PTGER3: variants seen among roughly 807,000 people sequenced by gnomAD.
PTGER3 encodes prostaglandin E receptor 3.
Under a neutral mutation model 34.7 loss-of-function variants are expected in PTGER3, and 22 were observed. The observed-to-expected ratio is 0.63, with a 90% CI of 0.45 to 0.91. The LOEUF is 0.91. Among genes scored for constraint, PTGER3 ranks in the 40% least tolerant of loss-of-function variants. The pLI is 0.00. For missense variants in PTGER3, 468 were observed against 519.4 expected (o/e 0.90, Z 0.96); for synonymous variants, 241 against 230.1 (o/e 1.05, Z -0.43).
rs111363741 is a variant in PTGER3 at position 70,919,674 on chromosome 1, T to G, written c.*23+34089A>C. 8.0e-3 allele frequency among the ~76,000 whole-genome samples: 1,215 copies of G among 152,242 alleles called. 13 individuals carry two copies. The highest frequency in any genetic ancestry group is 0.028 in the African/African-American group (1,172 of 41,554). The stretch of plus-strand genomic sequence containing the variant: ...CTTCTCCCGAAGAAAAATCTCTTTT[T>G]CACTTTGAGTTTTACTACAACTGGG... On this transcript the variant is annotated intron_variant, in intron 4 of 4. Coordinates refer to the PTGER3 transcript ENST00000370931.
chr1:70,966,622 C>T (rs1402976112), downstream of PTGER3, among the ~76,000 whole-genome samples: 1 of 152,026 alleles, frequency 6.6e-6, no homozygotes, highest in African/African-American at 2.4e-5. Context: ...CCAACAGGCC[C>T]TGGTGTGTGT....
At chr1:70,867,821 G>A (rs923020444) in intron 4 of PTGER3, among the ~76,000 whole-genome samples, 4 of 152,076 alleles carry the variant, frequency 2.6e-5, no homozygotes, top group Non-Finnish European at 4.4e-5. Context: ...TCTCCTACTT[G>A]GAGTCACAAG....
At chr1:70,865,804 A>G (rs1040428401) in intron 4 of PTGER3, 2 of 1,366,722 alleles carry the variant, frequency 1.5e-6, no homozygotes. Flanking sequence ...TTGAAGGATC[A>G]ATCACAGTAG....
chr1:70,947,552 T>A (rs1557676645), downstream of PTGER3: 2 of 152,174 alleles, frequency 1.3e-5, no homozygotes, highest in Non-Finnish European at 2.9e-5. Flanking sequence ...AATGGACTAA[T>A]ACAGTAGGTG....
chr1:70,916,154 C>T (rs908906666), intron 4 of PTGER3, among the ~76,000 whole-genome samples: 4 of 151,930 alleles, frequency 2.6e-5, no homozygotes, highest in Admixed American at 1.3e-4. Context: ...CACTAATCAT[C>T]AGATAAATGC....
intron 2 of PTGER3, chr1:71,006,019 C>T: frequency 3.5e-6 from 2 of 568,382 alleles, no homozygotes; most frequent in Non-Finnish European, 4.5e-6. Flanking sequence ...GTGTTGGGAA[C>T]ATTCAATAGC....
chr1:70,982,418 G>A (rs758830064), intron 2 of PTGER3, among the ~76,000 whole-genome samples: 8 of 151,990 alleles, frequency 5.3e-5, no homozygotes, highest in Middle Eastern at 3.2e-3. Context: ...GGAAAACATC[G>A]ATCAGTATAT....
intron 1 of PTGER3, among the ~76,000 whole-genome samples, chr1:71,042,685 A>G (rs1177232756): frequency 6.6e-6 from 1 of 152,212 alleles, no homozygotes; most frequent in Non-Finnish European, 1.5e-5. Context: ...AAACAACATT[A>G]TTTCTGAAAA....
At chr1:70,963,890 C>T (rs1031085634) in intron 2 of PTGER3, among the ~76,000 whole-genome samples, 1 of 152,172 alleles carries the variant, frequency 6.6e-6, no homozygotes, top group African/African-American at 2.4e-5. Flanking sequence ...ATTTTCCAAA[C>T]TTTAATGTTT....
At chr1:70,852,778 T>C in exon 5 of PTGER3, 4 of 1,586,550 alleles carry the variant, frequency 2.5e-6, no homozygotes, top group Non-Finnish European at 3.5e-6. Flanking sequence ...GATTTTTTTT[T>C]CTTTTACAAA....
At chr1:70,935,672 A>AATATATATATATATATATATAT (rs10577850) in intron 4 of PTGER3, among the ~76,000 whole-genome samples, 39 of 140,214 alleles carry the variant, frequency 2.8e-4, no homozygotes, top group African/African-American at 9.9e-4. Flanking sequence ...TACAAATATA[A>AATATATATATATATATATATAT]ATATATATAT....
At chr1:70,902,699 G>A (rs1646865392) in intron 4 of PTGER3, among the ~76,000 whole-genome samples, 1 of 152,162 alleles carries the variant, frequency 6.6e-6, no homozygotes. Context: ...AAAGTACAAC[G>A]GATATTCAGA....
At chr1:70,966,931 G>A (rs1050598719), downstream of PTGER3, among the ~76,000 whole-genome samples, 3 of 152,038 alleles carry the variant, frequency 2.0e-5, no homozygotes, top group Non-Finnish European at 4.4e-5. Flanking sequence ...TGTCTTTATA[G>A]TAGAATGATT....
At chr1:70,949,680 C>G (rs2100577388), downstream of PTGER3, among the ~76,000 whole-genome samples, 1 of 152,210 alleles carries the variant, frequency 6.6e-6, no homozygotes, top group African/African-American at 2.4e-5. Context: ...TTGAGACATT[C>G]TAGTTTTCTA....
At chr1:71,044,667 T>C (rs933102590) in intron 1 of PTGER3, among the ~76,000 whole-genome samples, 3 of 151,958 alleles carry the variant, frequency 2.0e-5, no homozygotes, top group African/African-American at 7.2e-5. Flanking sequence ...ATCTACTTTC[T>C]TTCTGAGGCC....
At chr1:70,953,809 G>C in intron 2 of PTGER3, 2 of 1,223,062 alleles carry the variant, frequency 1.6e-6, no homozygotes, top group South Asian at 1.5e-5. Context: ...AGTAATAACA[G>C]TATAAGCTTG....
downstream of PTGER3, chr1:70,952,351 A>G: frequency 5.4e-6 from 5 of 928,412 alleles, no homozygotes; most frequent in Non-Finnish European, 6.4e-6. Flanking sequence ...CTTCTACTAC[A>G]TCACACTTCC....
chr1:70,973,047 T>A (rs200124504), intron 3 of PTGER3, among the ~76,000 whole-genome samples: 2 of 81,840 alleles, frequency 2.4e-5, no homozygotes, highest in East Asian at 6.3e-4. Context: ...TGGAAACAAG[T>A]TATCTCTCTT....
At chr1:70,862,443 C>T (rs1396776598) in intron 4 of PTGER3, 1 of 1,192,906 alleles carries the variant, frequency 8.4e-7, no homozygotes. Context: ...AAAAGTCCTG[C>T]TTTCACACTG....
Sources: gnomAD v4.1 joint callset for allele counts (sites outside exome capture counted in the v4.1 genomes callset) on GRCh38, gnomAD v4.1.1 for gene constraint, MANE v1.5 for transcripts, NCBI Gene and HGNC (gene_info 2026-07-23, HGNC 2026-07-21) for gene names.